Variants in WDR89 observed in about 807,000 individuals in gnomAD.
The protein encoded by WDR89 is WD repeat domain 89.
A neutral mutation model predicts 29.1 loss-of-function variants in WDR89; 17 were observed. That is an observed-to-expected ratio of 0.58 (90% CI 0.40 to 0.88). The LOEUF (loss-of-function observed/expected upper bound fraction) is 0.88. Ranked by LOEUF, WDR89 falls within the 40% of genes least tolerant of loss-of-function variation. The pLI, the probability that WDR89 is intolerant of heterozygous loss-of-function variation, is 0.00. For missense variants in WDR89, 396 were observed against 456.3 expected (o/e 0.87, Z 1.20); for synonymous variants, 138 against 157.8 (o/e 0.87, Z 0.94).
chr14:63,602,496 G>C (rs1251795569), intron 2 of WDR89, among the ~76,000 whole-genome samples: 6 of 148,008 alleles, frequency 4.1e-5, no homozygotes, highest in Non-Finnish European at 1.5e-5. Flanking sequence ...AAGATGGCTG[G>C]ACATGGTAGC....
chr14:63,605,211 TACACACACACACACAC>T (rs200461481), intron 2 of WDR89, among the ~76,000 whole-genome samples: 2 of 102,556 alleles, frequency 2.0e-5, no homozygotes, highest in Admixed American at 2.2e-4. Flanking sequence ...TACATACACA[TACACACACACACACAC>T]ACACACACAC....
At chr14:63,626,035 G>C (rs368205350) in intron 1 of WDR89, among the ~76,000 whole-genome samples, 2 of 152,028 alleles carry the variant, frequency 1.3e-5, no homozygotes, top group African/African-American at 4.8e-5. Context: ...TGTATCTTTA[G>C]TAGAGATGGG....
chr14:63,633,832 A>C lies in WDR89; in HGVS notation c.-138+7972T>G, dbSNP rs140415365. ...GAAAAAAACGGATATTAAGAGGATA[A>C]AAAGTTCACATGTGCTTTGTAGATC... On this transcript the variant is annotated intron_variant, in intron 1 of 2. Coordinates refer to ENST00000620954, the MANE Select transcript of WDR89 (RefSeq NM_080666.4). Among the ~76,000 whole-genome samples the C allele has an allele frequency of 2.6e-5, 4 of 152,340 alleles. No individual in the cohort carries two copies. The East Asian group carries it at 7.7e-4, about 29-fold the overall frequency.
At chr14:63,601,871 G>A (rs941245106) in intron 2 of WDR89, 5 of 650,154 alleles carry the variant, frequency 7.7e-6, no homozygotes, top group Non-Finnish European at 1.3e-5. Flanking sequence ...CCGAAGTTCT[G>A]AAATCTTTCA....
At chr14:63,638,655 T>C (rs1344234888) in intron 1 of WDR89, among the ~76,000 whole-genome samples, 2 of 152,226 alleles carry the variant, frequency 1.3e-5, no homozygotes, top group Non-Finnish European at 1.5e-5. Flanking sequence ...TCATTTACCT[T>C]TGCTATTAAA....
At chr14:63,640,913 T>C (rs1161826043) in intron 1 of WDR89, among the ~76,000 whole-genome samples, 2 of 148,624 alleles carry the variant, frequency 1.3e-5, no homozygotes, top group East Asian at 2.0e-4. Context: ...GCCTGACCAG[T>C]ATGGTGAAAT....
intron 2 of WDR89, among the ~76,000 whole-genome samples, chr14:63,610,013 A>C (rs1259468726): frequency 2.0e-5 from 3 of 151,894 alleles, no homozygotes; most frequent in East Asian, 3.9e-4. Flanking sequence ...AAAAAGACAT[A>C]GGAGCCAAGA....
chr14:63,638,213 G>A (rs1883868385), intron 1 of WDR89, among the ~76,000 whole-genome samples: 1 of 152,040 alleles, frequency 6.6e-6, no homozygotes, highest in Non-Finnish European at 1.5e-5. Context: ...CCAAAGTGCT[G>A]GGATTACAGG....
intron 2 of WDR89, among the ~76,000 whole-genome samples, chr14:63,613,329 A>C (rs80033614): frequency 0.068 from 10,340 of 151,426 alleles, 475 homozygotes; most frequent in East Asian, 0.15. Context: ...TGAGAAAAAA[A>C]CCCAAAAAAC....
At chr14:63,601,031 G>A (rs1016238574) in intron 2 of WDR89, among the ~76,000 whole-genome samples, 10 of 152,248 alleles carry the variant, frequency 6.6e-5, no homozygotes, top group South Asian at 6.2e-4. Context: ...TGCTGGTTTT[G>A]AAGACAGAGG....
At chr14:63,623,641 T>C (rs1217764539) in intron 2 of WDR89, among the ~76,000 whole-genome samples, 5 of 135,838 alleles carry the variant, frequency 3.7e-5, no homozygotes, top group South Asian at 2.3e-4. Flanking sequence ...GAGGCGGAGG[T>C]TGCAGTGAGC....
chr14:63,601,530 T>G, intron 2 of WDR89: 1 of 1,540,928 alleles, frequency 6.5e-7, no homozygotes, highest in Non-Finnish European at 9.0e-7. Context: ...AGCGTTTAAG[T>G]TTCTTCCACT....
intron 1 of WDR89, among the ~76,000 whole-genome samples, chr14:63,634,860 A>G (rs367767743): frequency 1.3e-5 from 2 of 148,916 alleles, no homozygotes; most frequent in South Asian, 2.1e-4. Context: ...ACAAAAGCGA[A>G]ACTACATCTC....
At chr14:63,634,413 T>G (rs1348804959) in intron 1 of WDR89, among the ~76,000 whole-genome samples, 3 of 151,420 alleles carry the variant, frequency 2.0e-5, no homozygotes, top group African/African-American at 4.9e-5. Flanking sequence ...TCCCAGCTAC[T>G]CTGAGGGATG....
At chr14:63,604,573 T>C (rs993529997) in intron 2 of WDR89, among the ~76,000 whole-genome samples, 2 of 152,210 alleles carry the variant, frequency 1.3e-5, no homozygotes, top group South Asian at 2.1e-4. Flanking sequence ...AATGGAACAT[T>C]ACAGACACAA....
intron 2 of WDR89, among the ~76,000 whole-genome samples, chr14:63,600,717 C>CAAAAAAAAAAAAAAAAAAAAAAAA (rs56059698): frequency 5.5e-5 from 2 of 36,144 alleles, no homozygotes; most frequent in African/African-American, 1.2e-4. Context: ...GATATGTAGG[C>CAAAAAAAAAAAAAAAAAAAAAAAA]AAAAAAAAAA....
chr14:63,603,832 T>C (rs1895191042), intron 2 of WDR89, among the ~76,000 whole-genome samples: 1 of 152,196 alleles, frequency 6.6e-6, no homozygotes, highest in African/African-American at 2.4e-5. Flanking sequence ...CCAGTAACGC[T>C]GGGGTAGTCA....
intron 1 of WDR89, among the ~76,000 whole-genome samples, chr14:63,626,368 C>T (rs549334837): frequency 8.6e-5 from 13 of 151,782 alleles, no homozygotes; most frequent in Admixed American, 3.9e-4. Context: ...GAACAAGAAA[C>T]GTAAAAAGAT....
chr14:63,638,987 A>T lies in WDR89; in HGVS notation c.-138+2817T>A, dbSNP rs558867882. On this transcript the variant is annotated intron_variant, in intron 1 of 2. Coordinates refer to ENST00000620954, the MANE Select transcript of WDR89 (RefSeq NM_080666.4). The stretch of plus-strand genomic sequence containing the variant: ...TGGGGGGGTCCTTAATATAATCACA[A>T]ATGTCCTCATAAGAGAGGCAGAGGG... Among the ~76,000 whole-genome samples the T allele has an allele frequency of 8.7e-4, 132 of 152,268 alleles. 1 individual carries two copies. Among genetic ancestry groups the T allele is most frequent in the African/African-American group, 3.1e-3 (129 of 41,544 alleles).
Sources: allele counts gnomAD v4.1 joint callset (sites outside exome capture counted in the v4.1 genomes callset), GRCh38; gene constraint gnomAD v4.1.1; transcripts MANE v1.5; gene names NCBI Gene and HGNC (gene_info 2026-07-23, HGNC 2026-07-21).